Variants in U2AF2 observed in about 807,000 individuals in gnomAD.
The protein encoded by U2AF2 is splicing factor U2AF 65 kDa subunit.
In U2AF2, 6 loss-of-function variants were observed where a neutral mutation model predicts 52.6. That is an observed-to-expected ratio of 0.11 (90% CI 0.06 to 0.23). The LOEUF is 0.23. U2AF2 is among the 10% of genes least tolerant of loss of function. The pLI, the probability that U2AF2 is intolerant of heterozygous loss-of-function variation, is 1.00. For synonymous variants in U2AF2, 284 were observed against 258.2 expected (o/e 1.10, Z -0.96); for missense variants, 222 against 677.1 (o/e 0.33, Z 7.46).
At position 55,674,438 on chromosome 19, in the gene U2AF2, A is replaced by G. The variant is rs1985163197; in HGVS notation, c.*370A>G. 5.0e-6 allele frequency: 1 copy of G among 199,852 alleles called. No homozygotes were observed. The highest frequency in any genetic ancestry group is 1.0e-5 in the Non-Finnish European group (1 of 95,248). 12.4% of individuals were successfully genotyped at this position (199,852 alleles called of 1,614,324 possible). On this transcript the variant is annotated 3_prime_UTR_variant, in exon 12 of 12. Transcript: ENST00000308924. The stretch of plus-strand genomic sequence containing the variant: ...TTCTTCTCCCCTTCCCCACGGTAGG[A>G]ACATAGCGTGTTTATATTTTATGGC...
rs879660112 is a variant in U2AF2, at chr19:55,672,947, AT to A, written c.1294-974del. 1.9e-3 allele frequency among the ~76,000 whole-genome samples: 250 copies of A among 132,244 alleles called. 1 individual carries two copies. Among genetic ancestry groups the A allele is most frequent in the Middle Eastern group, 8.8e-3 (2 of 228 alleles). The allele number at this position is 132,244 out of a possible 152,430, so 86.8% of individuals were successfully genotyped here. A position where few individuals can be genotyped will look rare whatever the true frequency, so the allele number is the denominator to read the frequency against. On this transcript the variant is annotated intron_variant, in intron 11 of 11. Transcript: ENST00000308924. ...CGTGAGCCACCGCGCCCGGCCAATA[AT>A]TTTTTTTTTTTTGAGACGGAGCCTC...
intron 7 of U2AF2, among the ~76,000 whole-genome samples, chr19:55,664,526 CAG>C (rs1984420362): frequency 6.6e-6 from 1 of 152,182 alleles, no homozygotes; most frequent in Admixed American, 6.5e-5. Flanking sequence ...GATGCCCTGT[CAG>C]GGTGCGGCTG....
At chr19:55,672,187 A>G (rs1984964759) in intron 11 of U2AF2, 1 of 151,770 alleles carries the variant, frequency 6.6e-6, no homozygotes, top group South Asian at 2.1e-4. Context: ...TTTTTGTTAC[A>G]TGTCTTTTCA....
In U2AF2 at chr19:55,669,419, G is replaced by T. The variant is rs765518375; in HGVS notation, c.1045-25G>T. ...AGACTGGGTCTGGGCCCCCTGTGAC[G>T]CCGCTGCCTCCCCTGGCCCCACAGA... is the stretch of plus-strand genomic sequence containing the variant. On this transcript the variant is annotated intron_variant, in intron 10 of 11. Transcript: ENST00000308924. 5 of 1,572,476 alleles carry T rather than the reference G, an allele frequency of 3.2e-6. No homozygotes were observed. The South Asian group carries it at 5.9e-5, about 18-fold the overall frequency.
At chr19:55,658,583 C>T (rs1568548274) in intron 1 of U2AF2, among the ~76,000 whole-genome samples, 1 of 152,156 alleles carries the variant, frequency 6.6e-6, no homozygotes, top group African/African-American at 2.4e-5. Context: ...AGCTCCTCCC[C>T]TGACCTGCTG....
rs776340362 is a variant in U2AF2 at position 55,669,732 on chromosome 19, C to T, written c.1293+40C>T. On this transcript the variant is annotated intron_variant, in intron 11 of 11. Transcript: ENST00000308924. Reference sequence around the variant, plus strand: ...GGCTCAGTGCTCTCTCACCCTCTGCCCCTCCTCTTCTCCGCGCCCTCTTTC... The same window carrying T: ...GGCTCAGTGCTCTCTCACCCTCTGCTCCTCCTCTTCTCCGCGCCCTCTTTC... 12 of 1,548,616 alleles carry T rather than the reference C, an allele frequency of 7.7e-6. No homozygotes were observed. In the South Asian group the frequency reaches 1.5e-4, roughly 19 times the overall value.
Position 55,674,154 on chromosome 19 carries a change from G to C in U2AF2, c.*86G>C. The C allele has an allele frequency of 7.8e-7, 1 of 1,281,974 alleles. No homozygotes were observed. Among genetic ancestry groups the C allele is most frequent in the Non-Finnish European group, 1.0e-6 (1 of 990,030 alleles). 79.4% of individuals were successfully genotyped at this position (1,281,974 alleles called of 1,614,324 possible). The stretch of plus-strand genomic sequence containing the variant: ...CCCTTATCCCCCTCTGAAGACGATG[G>C]GCAGAGGAGTGACAGCCGCAGACAC... On this transcript the variant is annotated 3_prime_UTR_variant, in exon 12 of 12. Transcript: ENST00000308924.
chr19:55,656,918 G>A (rs192195516), intron 1 of U2AF2, among the ~76,000 whole-genome samples: 1 of 152,232 alleles, frequency 6.6e-6, no homozygotes, highest in Non-Finnish European at 1.5e-5. Context: ...GCAGGAAAAG[G>A]TGCTTTCCAA....
intron 7 of U2AF2, among the ~76,000 whole-genome samples, chr19:55,666,576 G>A (rs531699077): frequency 2.6e-5 from 4 of 152,346 alleles, no homozygotes; most frequent in African/African-American, 7.2e-5. Flanking sequence ...CTGTTCTCAC[G>A]TCCTCGATTG....
chr19:55,673,545 T>C (rs1985067149), intron 11 of U2AF2, among the ~76,000 whole-genome samples: 1 of 152,214 alleles, frequency 6.6e-6, no homozygotes, highest in African/African-American at 2.4e-5. Flanking sequence ...AGTTCACTTA[T>C]TGTTGGGAGA....
At chr19:55,670,087 G>A (rs1984796537) in intron 11 of U2AF2, among the ~76,000 whole-genome samples, 1 of 152,070 alleles carries the variant, frequency 6.6e-6, no homozygotes, top group African/African-American at 2.4e-5. Flanking sequence ...GACACCTGCT[G>A]GTGTCTCCTG....
intron 5 of U2AF2, among the ~76,000 whole-genome samples, chr19:55,661,533 C>CACAG (rs1235334600): frequency 6.7e-6 from 1 of 149,388 alleles, no homozygotes; most frequent in African/African-American, 2.5e-5. Context: ...CACACACACA[C>CACAG]ACACACACAG....
chr19:55,660,629 T>TG lies in U2AF2; in HGVS notation c.334+12dup. The TG allele has an allele frequency of 1.2e-6, 2 of 1,611,176 alleles. No homozygotes were observed. The highest frequency in any genetic ancestry group is 1.7e-6 in the Non-Finnish European group (2 of 1,178,460). ...TACAAGGCCATGCAAGGTAGGCCCC[T>TG]GGCCAGGCTGCTCCCAGAGCGGGAG... is the stretch of plus-strand genomic sequence containing the variant. On this transcript the variant is annotated intron_variant, in intron 4 of 11. Coordinates refer to ENST00000308924, the MANE Select transcript of U2AF2 (RefSeq NM_007279.3).
At chr19:55,673,818 G>T (rs975575520) in intron 11 of U2AF2, 116 bp from the exon 12 acceptor site, 1 of 1,432,762 alleles carries the variant, frequency 7.0e-7, no homozygotes, top group East Asian at 2.4e-5. Context: ...TCTGACACCT[G>T]TGGCGAAGCC....
chr19:55,667,367 C>T (rs576908027), intron 7 of U2AF2, among the ~76,000 whole-genome samples: 1 of 152,094 alleles, frequency 6.6e-6, no homozygotes, highest in East Asian at 1.9e-4. Context: ...GCCATATGGC[C>T]TAGGTTTTGA....
chr19:55,655,451 C>T (rs1307390307), intron 1 of U2AF2, among the ~76,000 whole-genome samples: 2 of 152,362 alleles, frequency 1.3e-5, no homozygotes, highest in South Asian at 2.1e-4. Flanking sequence ...CGCCAGATGC[C>T]TCGACGTGAA....
chr19:55,662,475 C>A (rs779395439), intron 5 of U2AF2, 27 bp from the exon 6 acceptor site: 4 of 1,342,300 alleles, frequency 3.0e-6, no homozygotes, highest in Non-Finnish European at 4.1e-6. Context: ...CCCCCGCCCC[C>A]CCCCTTGTCT....
intron 3 of U2AF2, 62 bp from the exon 4 acceptor site, chr19:55,660,454 C>A: frequency 8.5e-7 from 1 of 1,175,056 alleles, no homozygotes; most frequent in Non-Finnish European, 1.3e-6. Context: ...AGGGGGCTCG[C>A]AGGCCCACTG....
intron 11 of U2AF2, 145 bp downstream of exon 11, chr19:55,669,837 G>C: frequency 7.8e-7 from 1 of 1,275,860 alleles, no homozygotes; most frequent in African/African-American, 1.5e-5. Flanking sequence ...CTCGCAGCGC[G>C]TGCGTATAGG....
Sources: gnomAD v4.1 joint callset for allele counts (sites outside exome capture counted in the v4.1 genomes callset) on GRCh38, gnomAD v4.1.1 for gene constraint, MANE v1.5 for transcripts, NCBI Gene and HGNC (gene_info 2026-07-23, HGNC 2026-07-21) for gene names.